TBL1Y: variants seen among roughly 807,000 people sequenced by gnomAD.
TBL1Y encodes the protein F-box-like/WD repeat-containing protein TBL1Y.
TBL1Y carries 15 observed loss-of-function variants against 12.0 expected under a neutral mutation model. The ratio of observed to expected loss-of-function variants is 1.25; its 90% CI spans 0.83 to 1.92. TBL1Y has a LOEUF of 1.92. Ranked by LOEUF, TBL1Y falls within the 40% of genes most tolerant of loss-of-function variation. TBL1Y has a pLI of 0.00. For missense variants in TBL1Y, 148 were observed against 116.7 expected, an observed-to-expected ratio of 1.27 and a Z score of -1.24; for synonymous variants, 53 against 42.6, an observed-to-expected ratio of 1.24 and a Z score of -0.95.
chrY:7,076,481 C>G (rs983862755), intron 13 of TBL1Y, among the ~76,000 whole-genome samples: 4 of 32,652 alleles, frequency 1.2e-4, no homozygotes. Flanking sequence ...TCAGGCAGTT[C>G]AAGATGAAGA....
chrY:7,015,554 A>C, intron 4 of TBL1Y, among the ~76,000 whole-genome samples: 2 of 33,651 alleles, frequency 5.9e-5, no homozygotes, highest in African/African-American at 2.3e-4. Context: ...ACAGCCAGGC[A>C]TGTAACAGGT....
chrY:6,917,648 AGC>A (rs2011743669), intron 2 of TBL1Y, among the ~76,000 whole-genome samples: 1 of 33,103 alleles, frequency 3.0e-5, no homozygotes, highest in Non-Finnish European at 7.4e-5. Flanking sequence ...AAATGAGGTC[AGC>A]GGGTGTCACA....
intron 13 of TBL1Y, among the ~76,000 whole-genome samples, chrY:7,077,703 A>G: frequency 3.0e-5 from 1 of 33,046 alleles, no homozygotes; most frequent in Non-Finnish European, 7.4e-5. Context: ...ATCTTCCTAC[A>G]CACACCTTCT....
chrY:7,013,384 T>A, intron 4 of TBL1Y, among the ~76,000 whole-genome samples: 1 of 33,649 alleles, frequency 3.0e-5, no homozygotes, highest in East Asian at 7.9e-4. Flanking sequence ...TGGGACTAGT[T>A]TAGACTGTGT....
At position 6,966,833 on chromosome Y, in the gene TBL1Y, TTC is replaced by T. The variant is rs1569363835; in HGVS notation, c.-265-11358_-265-11357del. 2.5e-3 allele frequency among the ~76,000 whole-genome samples: 78 copies of T among 30,919 alleles called. No individual in the cohort carries two copies. The Middle Eastern group carries it at 0.045, about 18-fold the overall frequency. The allele number at this position is 30,919 out of a possible 37,273, so 83.0% of individuals were successfully genotyped here. On this transcript the variant is annotated intron_variant, in intron 2 of 18. Coordinates refer to ENST00000383032, the MANE Select transcript of TBL1Y (RefSeq NM_033284.2). ...GAGCTATGTATTTCTCAGAGCAGTC[TTC>T]TCTCTCTCTCTCTCTCTCTCTTTTT...
chrY:6,970,267 G>A, intron 2 of TBL1Y, among the ~76,000 whole-genome samples: 1 of 32,989 alleles, frequency 3.0e-5, no homozygotes, highest in African/African-American at 1.2e-4. Context: ...TGAGCATCTG[G>A]TCAACATTAA....
At chrY:7,019,983 T>G in intron 4 of TBL1Y, among the ~76,000 whole-genome samples, 1 of 33,409 alleles carries the variant, frequency 3.0e-5, no homozygotes, top group Admixed American at 2.8e-4. Context: ...TGTTTTTCAA[T>G]GTACTCTAAT....
In TBL1Y at chrY:7,091,566, G is replaced by T; in HGVS notation, c.*74G>T. Reference sequence around the variant, plus strand: ...CTTGAATGCATGGGGTTGCAGCTCTGTTCAAACACAATTCTATCAGCTCCA... The same window carrying T: ...CTTGAATGCATGGGGTTGCAGCTCTTTTCAAACACAATTCTATCAGCTCCA... On this transcript the variant is annotated 3_prime_UTR_variant, in exon 19 of 19. Transcript: ENST00000383032. 1 of 214,262 alleles carries T rather than the reference G, an allele frequency of 4.7e-6. No homozygotes were observed. The highest frequency in any genetic ancestry group is 7.1e-6 in the Non-Finnish European group (1 of 141,844). The allele number at this position is 214,262 out of a possible 400,897, so 53.4% of individuals were successfully genotyped here. A position where few individuals can be genotyped will look rare whatever the true frequency, so the allele number is the denominator to read the frequency against.
At chrY:7,077,786 G>A (rs748382448) in intron 13 of TBL1Y, among the ~76,000 whole-genome samples, 1 of 32,915 alleles carries the variant, frequency 3.0e-5, no homozygotes, top group East Asian at 8.0e-4. Context: ...ATGGAGGGTC[G>A]CACCTCTCAT....
At chrY:6,958,452 T>C (rs2012082493) in intron 2 of TBL1Y, among the ~76,000 whole-genome samples, 3 of 32,733 alleles carry the variant, frequency 9.2e-5, no homozygotes, top group Non-Finnish European at 1.5e-4. Flanking sequence ...TCGGATGGGA[T>C]AAGAGACTGA....
chrY:7,075,388 C>T, intron 13 of TBL1Y, among the ~76,000 whole-genome samples: 1 of 33,495 alleles, frequency 3.0e-5, no homozygotes, highest in Admixed American at 2.7e-4. Context: ...AGAATCTCTT[C>T]TGTGGCCAAT....
intron 2 of TBL1Y, among the ~76,000 whole-genome samples, chrY:6,965,040 G>A (rs2012159561): frequency 6.2e-5 from 2 of 32,437 alleles, no homozygotes; most frequent in Non-Finnish European, 1.5e-4. Flanking sequence ...GGAGACGGCC[G>A]ATACTGAAAT....
chrY:6,964,267 A>G, intron 2 of TBL1Y, among the ~76,000 whole-genome samples: 3 of 33,774 alleles, frequency 8.9e-5, no homozygotes, highest in Admixed American at 5.4e-4. Flanking sequence ...TTGGTAAGCC[A>G]TTATTTCTAC....
At chrY:6,940,526 G>A in intron 2 of TBL1Y, among the ~76,000 whole-genome samples, 1 of 32,756 alleles carries the variant, frequency 3.1e-5, no homozygotes, top group South Asian at 7.2e-4. Flanking sequence ...ACCTCTGAGT[G>A]AGCCAAGGTT....
chrY:7,031,050 G>A (rs769632147), intron 6 of TBL1Y, among the ~76,000 whole-genome samples: 43 of 33,351 alleles, frequency 1.3e-3, no homozygotes, highest in African/African-American at 4.2e-3. Context: ...AAATTAGATA[G>A]GATAGATTGA....
At chrY:7,043,642 A>C in intron 7 of TBL1Y, among the ~76,000 whole-genome samples, 2 of 33,810 alleles carry the variant, frequency 5.9e-5, no homozygotes, top group South Asian at 1.4e-3. Context: ...TATACATAGT[A>C]ACGAGTTTCC....
At chrY:6,973,608 G>A (rs550008271) in intron 2 of TBL1Y, among the ~76,000 whole-genome samples, 5 of 33,451 alleles carry the variant, frequency 1.5e-4, no homozygotes, top group African/African-American at 5.9e-4. Context: ...ATATATCCTC[G>A]CTTCTTAACA....
intron 2 of TBL1Y, among the ~76,000 whole-genome samples, chrY:6,944,220 C>T (rs2011970444): frequency 3.0e-5 from 1 of 33,355 alleles, no homozygotes; most frequent in South Asian, 6.9e-4. Context: ...CTTTATTGGC[C>T]CCTTTGTTTT....
intron 2 of TBL1Y, among the ~76,000 whole-genome samples, chrY:6,944,386 G>A: frequency 2.9e-5 from 1 of 34,047 alleles, no homozygotes; most frequent in South Asian, 6.7e-4. Flanking sequence ...AATATCAAAA[G>A]CAATTTGTTG....
Sources: allele counts gnomAD v4.1 joint callset (sites outside exome capture counted in the v4.1 genomes callset), GRCh38; gene constraint gnomAD v4.1.1; transcripts MANE v1.5; gene names NCBI Gene and HGNC (gene_info 2026-07-23, HGNC 2026-07-21).